Variants in KIR2DL4 observed in about 807,000 individuals in gnomAD.
KIR2DL4 encodes the protein killer cell immunoglobulin like receptor, two Ig domains and long cytoplasmic tail 4.
Under a neutral mutation model 31.0 loss-of-function variants are expected in KIR2DL4, and 41 were observed. That is an observed-to-expected ratio of 1.32 (90% confidence interval 1.03 to 1.72). The LOEUF is 1.72. KIR2DL4 is among the 40% of genes most tolerant of loss of function. The pLI, the probability that KIR2DL4 is intolerant of heterozygous loss-of-function variation, is 0.00. For missense variants in KIR2DL4, 438 were observed against 353.7 expected (o/e 1.24, Z -1.91); for synonymous variants, 164 against 133.6 (o/e 1.23, Z -1.57).
At chr19:54,805,902 C>A (rs771473717) in intron 3 of KIR2DL4, 49 bp from the exon 4 acceptor site, 8 of 1,508,326 alleles carry the variant, frequency 5.3e-6, no homozygotes, top group Non-Finnish European at 7.2e-6. Context: ...GGGAGGGGAG[C>A]TGTGACAAGG....
intron 4 of KIR2DL4, among the ~76,000 whole-genome samples, chr19:54,806,989 T>C (rs1300977309): frequency 1.3e-5 from 2 of 149,454 alleles, no homozygotes; most frequent in Non-Finnish European, 3.0e-5. Context: ...CACTGCAGCC[T>C]GGTGACACAG....
chr19:54,803,847 G>C, intron 1 of KIR2DL4, 44 bp from the exon 2 acceptor site: 1 of 1,590,332 alleles, frequency 6.3e-7, no homozygotes, highest in Non-Finnish European at 8.6e-7. Flanking sequence ...GGAAAGGGTA[G>C]GTTGCTGCCG....
In KIR2DL4 at chr19:54,814,124, C is replaced by T. The variant is rs1280397375; in HGVS notation, c.*324C>T. 21 of 1,607,236 alleles carry T rather than the reference C, an allele frequency of 1.3e-5. No homozygotes were observed. The East Asian group carries it at 2.2e-4, about 17-fold the overall frequency. ...AGCTGGAATCTGAAGGCGTGAGTCT[C>T]CATCTTAGAGCATCACTCTTCCTCA... On this transcript the variant is annotated 3_prime_UTR_variant, in exon 8 of 8. Transcript: ENST00000359085.
At chr19:54,812,384 C>G (rs2060913546) in intron 5 of KIR2DL4, among the ~76,000 whole-genome samples, 1 of 151,318 alleles carries the variant, frequency 6.6e-6, no homozygotes, top group Non-Finnish European at 1.5e-5. Flanking sequence ...TACCCTGGAG[C>G]CACAGGGAAC....
chr19:54,806,542 C>A (rs142031295), intron 4 of KIR2DL4, among the ~76,000 whole-genome samples: 3 of 151,068 alleles, frequency 2.0e-5, no homozygotes, highest in Admixed American at 6.6e-5. Flanking sequence ...CTCAGCCCCT[C>A]AACCTTACCC....
intron 5 of KIR2DL4, among the ~76,000 whole-genome samples, chr19:54,810,167 G>A (rs1255194352): frequency 6.7e-6 from 1 of 150,176 alleles, no homozygotes; most frequent in Admixed American, 6.6e-5. Flanking sequence ...GCCCCAGGCT[G>A]GAGTGCAGTG....
chr19:54,807,587 G>A (rs1176784322), intron 4 of KIR2DL4, among the ~76,000 whole-genome samples: 39 of 149,246 alleles, frequency 2.6e-4, no homozygotes, highest in Middle Eastern at 3.4e-3. Context: ...ACTGGTGCCC[G>A]CCACCACGCC....
chr19:54,808,836 A>T, exon 5 of KIR2DL4: 1 of 1,587,286 alleles, frequency 6.3e-7, no homozygotes, highest in Non-Finnish European at 8.6e-7. Flanking sequence ...GTTCTAGGAA[A>T]CCCTTCTAGT....
chr19:54,813,221 A>AC lies in KIR2DL4; in HGVS notation c.803_804insC (p.Lys268AsnfsTer111), dbSNP rs2060979831. On this transcript the variant is annotated frameshift_variant, in exon 6 of 8. Coordinates refer to ENST00000359085, the Ensembl canonical transcript of KIR2DL4. LOFTEE classifies it high-confidence loss of function. ...TTTCTCCTTCATCGCTGGTGCTCCA[A>AC]AAAAAAAGTAAGCCTCACGAAGCAG... 2.5e-6 allele frequency: 4 copies of AC among 1,572,108 alleles called. 1 individual carries two copies. In the South Asian group the frequency reaches 4.6e-5, roughly 18 times the overall value.
chr19:54,806,157 G>A lies in KIR2DL4; in HGVS notation c.568G>A (p.Gly190Arg), dbSNP rs762659354. 3.0e-4 allele frequency: 490 copies of A among 1,611,920 alleles called. 12 individuals carry two copies. The Admixed American group carries it at 3.7e-3, about 12-fold the overall frequency. ...CTTCCCTCTGGGTCCTGCCACCCAC[G>A]GAGAGACCTACAGATGCTTCGGCTC... Residue 190 changes from glycine to arginine, a missense_variant, in exon 4 of 8, where the codon GGA becomes AGA. Coordinates refer to ENST00000359085, the Ensembl canonical transcript of KIR2DL4.
exon 6 of KIR2DL4, chr19:54,813,136 C>A: frequency 1.3e-6 from 2 of 1,491,756 alleles, no homozygotes; most frequent in South Asian, 1.2e-5. Context: ...TATCGCCAGA[C>A]ACCTGCATGC....
At chr19:54,805,072 T>C (rs2060429816) in exon 3 of KIR2DL4, 1 of 1,602,594 alleles carries the variant, frequency 6.2e-7, no homozygotes, top group Non-Finnish European at 8.5e-7. Context: ...GTGATCATGG[T>C]CACAGGTCAG....
chr19:54,807,167 C>T (rs1193925500), intron 4 of KIR2DL4, among the ~76,000 whole-genome samples: 1 of 151,048 alleles, frequency 6.6e-6, no homozygotes, highest in Non-Finnish European at 1.5e-5. Flanking sequence ...TTGTAATGAC[C>T]TCCAGTCCAT....
chr19:54,804,637 C>T (rs17771905), intron 2 of KIR2DL4, among the ~76,000 whole-genome samples, 156 bp from the exon 3 acceptor site: 3,997 of 151,254 alleles, frequency 0.026, 152 homozygotes, highest in Non-Finnish European at 0.043. Flanking sequence ...TGTAGGGAGA[C>T]GCCACGTCTA....
In KIR2DL4 at chr19:54,810,418, C is replaced by T. The variant is rs1159124016; in HGVS notation, c.706+1535C>T. 3.4e-4 allele frequency among the ~76,000 whole-genome samples: 51 copies of T among 151,302 alleles called. 1 individual carries two copies. Among genetic ancestry groups the T allele is most frequent in the Non-Finnish European group, 6.9e-4 (47 of 67,904 alleles). ...CTGAGATTAGAGGCGTGAGCCAAGGCGCCGAGCCGTATTTTAAAAGAAATA... is the reference window on the plus strand; with the variant it reads ...CTGAGATTAGAGGCGTGAGCCAAGGTGCCGAGCCGTATTTTAAAAGAAATA... On this transcript the variant is annotated intron_variant, in intron 5 of 7. Coordinates refer to ENST00000359085, the Ensembl canonical transcript of KIR2DL4.
intron 2 of KIR2DL4, 24 bp downstream of exon 2, chr19:54,803,950 G>T: frequency 6.2e-7 from 1 of 1,604,270 alleles, no homozygotes; most frequent in South Asian, 1.1e-5. Context: ...CAAATGATGG[G>T]TTGCCATCTT....
intron 5 of KIR2DL4, among the ~76,000 whole-genome samples, chr19:54,812,971 C>T (rs1432014982): frequency 7.0e-6 from 1 of 142,238 alleles, no homozygotes; most frequent in African/African-American, 2.8e-5. Flanking sequence ...AAAACTATAA[C>T]GGAGAAAGCA....
At chr19:54,809,452 G>A (rs541080836) in intron 5 of KIR2DL4, among the ~76,000 whole-genome samples, 13 of 151,010 alleles carry the variant, frequency 8.6e-5, no homozygotes, top group African/African-American at 2.2e-4. Flanking sequence ...CACAAGCTTC[G>A]TGGATGGAAA....
At chr19:54,803,816 G>A (rs1281965909) in intron 1 of KIR2DL4, 75 bp from the exon 2 acceptor site, 11 of 1,553,834 alleles carry the variant, frequency 7.1e-6, no homozygotes, top group African/African-American at 4.2e-5. Flanking sequence ...TCAGTCCAGC[G>A]TGGCGCCCAG....
Sources: gnomAD v4.1 joint callset for allele counts (sites outside exome capture counted in the v4.1 genomes callset) on GRCh38, gnomAD v4.1.1 for gene constraint, MANE v1.5 for transcripts, NCBI Gene and HGNC (gene_info 2026-07-23, HGNC 2026-07-21) for gene names.